The following HYAL1 variants were observed in gnomAD, a reference collection of about 807,000 sequenced individuals.
HYAL1 encodes the protein hyaluronidase-1.
A neutral mutation model predicts 28.8 loss-of-function variants in HYAL1; 21 were observed. The observed-to-expected ratio is 0.73, with a 90% confidence interval of 0.52 to 1.05. The LOEUF (loss-of-function observed/expected upper bound fraction) is 1.05. Among genes scored for constraint, HYAL1 ranks in the 50% least tolerant of loss-of-function variants. The pLI is 0.00. For synonymous variants in HYAL1, 200 were observed against 230.1 expected (o/e 0.87, Z 1.18); for missense variants, 491 against 579.2 (o/e 0.85, Z 1.56).
intron 1 of HYAL1, among the ~76,000 whole-genome samples, chr3:50,310,424 C>T (rs1420010142): frequency 2.7e-5 from 4 of 149,744 alleles, no homozygotes; most frequent in African/African-American, 5.0e-5. Context: ...CCACCACGCC[C>T]GGCTATTTTT....
At chr3:50,308,041 T>C (rs1702370869), upstream of HYAL1, among the ~76,000 whole-genome samples, 2 of 151,168 alleles carry the variant, frequency 1.3e-5, no homozygotes, top group South Asian at 2.1e-4. Context: ...GTGATCCACC[T>C]GCCTCGGCCT....
intron 1 of HYAL1, among the ~76,000 whole-genome samples, chr3:50,310,287 CAG>C (rs1348878634): frequency 3.0e-5 from 4 of 133,656 alleles, no homozygotes; most frequent in African/African-American, 5.9e-5. Flanking sequence ...TTTTTTGAGA[CAG>C]AGTCCCGCTC....
rs1702234791 is a variant in HYAL1, at chr3:50,302,991, G to A, written c.-24-11C>T. 1 of 1,529,864 alleles carries A rather than the reference G, an allele frequency of 6.5e-7. No individual in the cohort carries two copies. The highest frequency in any genetic ancestry group is 2.3e-5 in the East Asian group (1 of 44,162). 94.8% of individuals were successfully genotyped at this position (1,529,864 alleles called of 1,614,324 possible). ...CTGGTCGAGGACAACCTGGCCAGGG[G>A]AGGCAGAGCTGAGAACAGGTTGCAA... On this transcript the variant is annotated splice_polypyrimidine_tract_variant and intron_variant, in intron 1 of 3. Coordinates refer to ENST00000395144, the MANE Select transcript of HYAL1 (RefSeq NM_033159.4). The surrounding 1 kb of genome is among the most constrained non-coding windows in gnomAD (Gnocchi z 5.0).
intron 2 of HYAL1, among the ~76,000 whole-genome samples, chr3:50,301,592 G>C (rs1478314927): frequency 2.7e-5 from 4 of 149,824 alleles, no homozygotes; most frequent in African/African-American, 7.4e-5. Context: ...CTCCAGCCTG[G>C]GTGACAGAGC....
intron 1 of HYAL1, among the ~76,000 whole-genome samples, chr3:50,310,581 CTTTTT>C (rs1221892755): frequency 7.8e-5 from 11 of 140,230 alleles, no homozygotes; most frequent in African/African-American, 2.6e-4. Flanking sequence ...GGTTTCTTTT[CTTTTT>C]TTTTTCTTTT....
At chr3:50,305,978 T>G (rs1236409897), upstream of HYAL1, among the ~76,000 whole-genome samples, 3 of 151,586 alleles carry the variant, frequency 2.0e-5, no homozygotes, top group Admixed American at 1.3e-4. Flanking sequence ...CAAAATAAAC[T>G]TTTTAAATTA....
chr3:50,302,222 G>A lies in HYAL1; in HGVS notation c.735C>T (p.Ser245=), dbSNP rs782086155. Reference sequence around the variant, plus strand: ...CCTCCAGCACTGCGGGCATGTAGATGCTGGGATAGAGGGCACGGCTCTGGC... The same window carrying A: ...CCTCCAGCACTGCGGGCATGTAGATACTGGGATAGAGGGCACGGCTCTGGC... ...LWGQSRALYP[S]IYMPAVLEGT... The change falls in exon 2 of 4, where the codon AGC becomes AGT. Residue 245 remains serine, a synonymous_variant. Coordinates refer to ENST00000395144, the MANE Select transcript of HYAL1 (RefSeq NM_033159.4). This position sits in a 1 kb window ranked among gnomAD's most constrained non-coding sequence, Gnocchi z 5.0. 14 of 1,613,994 alleles carry A rather than the reference G, an allele frequency of 8.7e-6. No homozygotes were observed. Among genetic ancestry groups the A allele is most frequent in the Non-Finnish European group, 1.2e-5 (14 of 1,180,048 alleles).
chr3:50,310,611 TA>T (rs1702426706), intron 1 of HYAL1, among the ~76,000 whole-genome samples: 3 of 151,076 alleles, frequency 2.0e-5, no homozygotes, highest in African/African-American at 4.9e-5. Context: ...TTTTAATTAT[TA>T]TTTTTTTATT....
chr3:50,310,265 GT>G lies in HYAL1; in HGVS notation c.-309-489del, dbSNP rs1284186892. 1.3e-3 allele frequency among the ~76,000 whole-genome samples: 166 copies of G among 124,684 alleles called. 1 individual carries two copies. The highest frequency in any genetic ancestry group is 3.0e-3 in the East Asian group (13 of 4,404). 81.8% of individuals were successfully genotyped at this position (124,684 alleles called of 152,430 possible). ...GGAGTCACTGAAAACTAAGCTGTGT[GT>G]TTTTTTTTTTTTTTTTGAGACAGAG... On this transcript the variant is annotated intron_variant, in intron 1 of 5. Transcript: ENST00000320295.
At chr3:50,309,256 G>A (rs1702400039) in intron 2 of HYAL1, among the ~76,000 whole-genome samples, 1 of 150,650 alleles carries the variant, frequency 6.6e-6, no homozygotes, top group Admixed American at 6.6e-5. Flanking sequence ...CTGAGGTTGT[G>A]AGTTCGAGAC....
At position 50,302,943 on chromosome 3, in the gene HYAL1, A is replaced by G. The variant is rs138329304; in HGVS notation, c.14T>C (p.Leu5Pro). The change falls in exon 2 of 4, where the codon CTG (leucine) becomes CCG (proline). Residue 5 changes from leucine (L) to proline (P), a missense_variant. Coordinates refer to ENST00000395144, the MANE Select transcript of HYAL1 (RefSeq NM_033159.4). The surrounding 1 kb of genome is among the most constrained non-coding windows in gnomAD (Gnocchi z 5.0). ...CAGGAAGAGGGCGCAGATGGGAAGCAGGTGGGCTGCCATGGCACGGGACTG... is the reference window on the plus strand; with the variant it reads ...CAGGAAGAGGGCGCAGATGGGAAGCGGGTGGGCTGCCATGGCACGGGACTG... Reference protein sequence around the residue: MAAHLLPICALFLTL... With the variant: MAAHPLPICALFLTL... 6.9e-5 allele frequency: 109 copies of G among 1,570,592 alleles called. No homozygotes were observed. Among genetic ancestry groups the G allele is most frequent in the Non-Finnish European group, 8.8e-5 (102 of 1,154,770 alleles).
At chr3:50,308,508 C>T (rs895235762), upstream of HYAL1, among the ~76,000 whole-genome samples, 4 of 149,872 alleles carry the variant, frequency 2.7e-5, no homozygotes, top group East Asian at 3.9e-4. Context: ...AGTGCAGTGG[C>T]GCGATCTCAG....
At chr3:50,304,381 G>T (rs1364936476), upstream of HYAL1, among the ~76,000 whole-genome samples, 12 of 127,468 alleles carry the variant, frequency 9.4e-5, no homozygotes, top group African/African-American at 3.5e-4. Context: ...TGGGAGAATT[G>T]CTTGAGCCCA....
chr3:50,302,664 T>C lies in HYAL1; in HGVS notation c.293A>G (p.Gln98Arg), dbSNP rs782336276. Residue 98 changes from glutamine to arginine, a missense_variant, in exon 2 of 4, where the codon CAG (glutamine) becomes CGG (arginine). Physicochemically the swap from Gln to Arg is conservative, Grantham distance 43 (BLOSUM62 1). Transcript: ENST00000395144. This position sits in a 1 kb window ranked among gnomAD's most constrained non-coding sequence, Gnocchi z 5.0. The part of the protein sequence containing the change: ...TGEPVFGGLP[Q>R]NASLIAHLAR... ...CAGGTGGGCAATCAGGCTGGCATTC[T>C]GGGGCAGACCACCAAACACAGGCTC... 6.2e-7 allele frequency: 1 copy of C among 1,614,122 alleles called. No homozygotes were observed. The highest frequency in any genetic ancestry group is 8.5e-7 in the Non-Finnish European group (1 of 1,180,026).
At chr3:50,311,561 C>G (rs1382127631) in intron 1 of HYAL1, among the ~76,000 whole-genome samples, 1 of 136,938 alleles carries the variant, frequency 7.3e-6, no homozygotes, top group Non-Finnish European at 1.6e-5. Flanking sequence ...GGCGGCTAGC[C>G]AGGCGGGGGG....
upstream of HYAL1, among the ~76,000 whole-genome samples, chr3:50,304,296 A>T (rs868979939): frequency 2.0e-4 from 6 of 30,468 alleles, no homozygotes; most frequent in African/African-American, 5.2e-4. Context: ...AAAAAAAAAA[A>T]ATATATATAT....
At position 50,300,352 on chromosome 3, in the gene HYAL1, G is replaced by A. The variant is rs1167686486; in HGVS notation, c.*131C>T. 5.7e-6 allele frequency: 5 copies of A among 883,348 alleles called. No individual in the cohort carries two copies. In the African/African-American group the frequency reaches 6.6e-5, roughly 12 times the overall value. The allele number at this position is 883,348 out of a possible 1,614,324, so 54.7% of individuals were successfully genotyped here. A position where few individuals can be genotyped will look rare whatever the true frequency, so the allele number is the denominator to read the frequency against. On this transcript the variant is annotated 3_prime_UTR_variant, in exon 4 of 4. Transcript: ENST00000395144. ...GTATGCATGTGTGTGCAGGGAATAT[G>A]CCTGTGACAGTGGCTGAGTGTACTC...
intron 1 of HYAL1, 153 bp from the exon 2 acceptor site, chr3:50,303,133 C>T (rs1553713521): frequency 3.2e-6 from 2 of 619,002 alleles, no homozygotes; most frequent in African/African-American, 1.8e-5. Flanking sequence ...GCAGGGGAGA[C>T]GCATGGAGGG....
Position 50,301,095 on chromosome 3 carries a change from C to T in HYAL1, c.901-18G>A, listed in dbSNP as rs1559817641. The T allele has an allele frequency of 6.4e-7, 1 of 1,567,768 alleles. No individual in the cohort carries two copies. The highest frequency in any genetic ancestry group is 1.3e-5 in the African/African-American group (1 of 74,168). Reference sequence around the variant, plus strand: ...AGCTCATCCTGGGAAGGAGACAGCACAGCTCTGTGGGGCCTCCTTCCCACC... The same window carrying T: ...AGCTCATCCTGGGAAGGAGACAGCATAGCTCTGTGGGGCCTCCTTCCCACC... On this transcript the variant is annotated intron_variant, in intron 2 of 3. Transcript: ENST00000395144.
Sources: gnomAD v4.1 joint callset for allele counts (sites outside exome capture counted in the v4.1 genomes callset) on GRCh38, gnomAD v4.1.1 for gene constraint, Gnocchi (gnomAD v3.1) non-coding constraint, MANE v1.5 for transcripts, NCBI Gene and HGNC (gene_info 2026-07-23, HGNC 2026-07-21) for gene names.